Variants in SDR42E1 observed in about 807,000 individuals in gnomAD.
SDR42E1 encodes the protein short-chain dehydrogenase/reductase family 42E member 1.
Under a neutral mutation model 2.6 loss-of-function variants are expected in SDR42E1, and 5 were observed. That is an observed-to-expected ratio of 1.94 (90% CI 1.01 to 4.08). The LOEUF (loss-of-function observed/expected upper bound fraction) is 4.08, where lower values mean the gene tolerates loss of function less well. Ranked by LOEUF, SDR42E1 falls within the 30% of genes most tolerant of loss-of-function variation. The pLI is 0.00. For missense variants in SDR42E1, 596 were observed against 478.6 expected (o/e 1.25, Z -2.29); for synonymous variants, 231 against 188.3 (o/e 1.23, Z -1.86).
In SDR42E1 at chr16:81,990,156, G is replaced by A. The variant is rs1028963049; in HGVS notation, c.*8955C>T. 4 of 152,220 alleles carry A rather than the reference G, an allele frequency of 2.6e-5. No individual in the cohort carries two copies. The highest frequency in any genetic ancestry group is 1.9e-4 in the East Asian group (1 of 5,186). The allele number at this position is 152,220 out of a possible 1,614,324, so 9.4% of individuals were successfully genotyped here. A position where few individuals can be genotyped will look rare whatever the true frequency, so the allele number is the denominator to read the frequency against. ...GTGAGACCCTGTCTCTACAAAAGAC[G>A]ACAGAAAAATTAGCTAGGTGTGCTG... is the stretch of plus-strand genomic sequence containing the variant. On this transcript the variant is annotated 3_prime_UTR_variant, in exon 3 of 3. Transcript: ENST00000328945.
intron 1 of SDR42E1, among the ~76,000 whole-genome samples, chr16:82,009,183 A>C (rs541412406): frequency 1.4e-4 from 21 of 152,306 alleles, no homozygotes; most frequent in Non-Finnish European, 2.9e-4. Flanking sequence ...GCCCTCATGG[A>C]GAACCACTGC....
rs955963434 is a variant in SDR42E1 at position 81,990,674 on chromosome 16, G to C, written c.*8437C>G. On this transcript the variant is annotated 3_prime_UTR_variant, in exon 3 of 3. Coordinates refer to ENST00000328945, the MANE Select transcript of SDR42E1 (RefSeq NM_145168.3). ...TTTTATCTCCACTTTACAGATGAGA[G>C]GCATTTGCTCAAAGTCACATTGCAA... 1.3e-5 allele frequency: 2 copies of C among 152,216 alleles called. No individual in the cohort carries two copies. The highest frequency in any genetic ancestry group is 1.9e-4 in the East Asian group (1 of 5,196). The allele number at this position is 152,216 out of a possible 1,614,324, so 9.4% of individuals were successfully genotyped here. A position where few individuals can be genotyped will look rare whatever the true frequency, so the allele number is the denominator to read the frequency against.
chr16:82,004,758 T>G (rs1427061394), intron 1 of SDR42E1, among the ~76,000 whole-genome samples: 1 of 152,138 alleles, frequency 6.6e-6, no homozygotes, highest in Non-Finnish European at 1.5e-5. Context: ...AGAGAAGGCT[T>G]CCCCTGGAGG....
At chr16:82,000,279 G>A in intron 2 of SDR42E1, 55 bp from the exon 3 acceptor site, 1 of 1,593,882 alleles carries the variant, frequency 6.3e-7, no homozygotes, top group Non-Finnish European at 8.5e-7. Flanking sequence ...TGTGCCTAGG[G>A]GAAGTGTATA....
At chr16:82,009,964 C>A (rs1439596999) in intron 1 of SDR42E1, among the ~76,000 whole-genome samples, 1 of 152,210 alleles carries the variant, frequency 6.6e-6, no homozygotes, top group Non-Finnish European at 1.5e-5. Context: ...GTGAATAAGT[C>A]TCAAAAGATC....
intron 1 of SDR42E1, among the ~76,000 whole-genome samples, chr16:82,009,443 C>T (rs1276999559): frequency 3.3e-5 from 5 of 152,268 alleles, no homozygotes; most frequent in Non-Finnish European, 7.3e-5. Flanking sequence ...GGGAAACCAC[C>T]TCTTGCATCA....
intron 1 of SDR42E1, among the ~76,000 whole-genome samples, chr16:82,009,105 C>G (rs970609932): frequency 3.9e-5 from 6 of 152,208 alleles, no homozygotes; most frequent in African/African-American, 1.4e-4. Flanking sequence ...TTGGAAACCT[C>G]TCCCTAGGTT....
At position 82,000,903 on chromosome 16, in the gene SDR42E1, A is replaced by C. The variant is rs749132781; in HGVS notation, c.-26-19T>G. On this transcript the variant is annotated intron_variant, in intron 1 of 2. Transcript: ENST00000328945. ...ACTGGACCTGAAGAAAGAAGTATGC[A>C]TCACTGTTACTGATCCAAATGCAAA... is the stretch of plus-strand genomic sequence containing the variant. The C allele has an allele frequency of 6.6e-7, 1 of 1,525,070 alleles. No individual in the cohort carries two copies. The highest frequency in any genetic ancestry group is 9.0e-7 in the Non-Finnish European group (1 of 1,105,872). The allele number at this position is 1,525,070 out of a possible 1,614,324, so 94.5% of individuals were successfully genotyped here.
chr16:82,005,665 T>C (rs1597180273), intron 1 of SDR42E1, among the ~76,000 whole-genome samples: 1 of 152,226 alleles, frequency 6.6e-6, no homozygotes, highest in African/African-American at 2.4e-5. Flanking sequence ...TGATTCCTTC[T>C]AGGGCTGGGC....
rs115049201 is a variant in SDR42E1, at chr16:82,002,671, G to A, written c.-26-1787C>T. Among the ~76,000 whole-genome samples, 820 of 152,208 alleles carry A rather than the reference G, an allele frequency of 5.4e-3. 11 individuals are homozygous for A. The highest frequency in any genetic ancestry group is 0.019 in the African/African-American group (778 of 41,520). The stretch of plus-strand genomic sequence containing the variant: ...CCGCACTCTTAACCACTAAAACACA[G>A]TCTTAAATGAAAAGAGAATGGACTT... On this transcript the variant is annotated intron_variant, in intron 1 of 2. Transcript: ENST00000328945.
rs377444731 is a variant in SDR42E1 at position 82,000,048 on chromosome 16, T to A, written c.245A>T (p.Tyr82Phe). The A allele has an allele frequency of 1.5e-5, 24 of 1,614,088 alleles. No homozygotes were observed. Among genetic ancestry groups the A allele is most frequent in the Non-Finnish European group, 1.9e-5 (22 of 1,180,050 alleles). ...GAGTTGCTCCCGCCCTGACATACCA[T>A]AAGAGGCAATATGGAACACACAAGT... is the stretch of plus-strand genomic sequence containing the variant. Reference protein sequence around the residue: ...DVTCVFHIASYGMSGREQLNR... With the variant: ...DVTCVFHIASFGMSGREQLNR... Residue 82 changes from tyrosine to phenylalanine, a missense_variant, in exon 3 of 3, where the codon TAT (tyrosine) becomes TTT (phenylalanine). Coordinates refer to ENST00000328945, the MANE Select transcript of SDR42E1 (RefSeq NM_145168.3).
chr16:81,998,788 C>T lies in SDR42E1; in HGVS notation c.*323G>A. ...CTGCATAAAATGGAAATAAGTATAT[C>T]TTGCCCTCTCAGAAATTCAAGATGG... On this transcript the variant is annotated 3_prime_UTR_variant, in exon 3 of 3. Coordinates refer to ENST00000328945, the MANE Select transcript of SDR42E1 (RefSeq NM_145168.3). 3.2e-6 allele frequency: 1 copy of T among 311,600 alleles called. No homozygotes were observed. Among genetic ancestry groups the T allele is most frequent in the Non-Finnish European group, 5.9e-6 (1 of 169,484 alleles). 19.3% of individuals were successfully genotyped at this position (311,600 alleles called of 1,614,324 possible).
At position 81,993,958 on chromosome 16, in the gene SDR42E1, A is replaced by G. The variant is rs1452747443; in HGVS notation, c.*5153T>C. 6.6e-6 allele frequency: 1 copy of G among 152,202 alleles called. No individual in the cohort carries two copies. The highest frequency in any genetic ancestry group is 1.5e-5 in the Non-Finnish European group (1 of 68,040). 9.4% of individuals were successfully genotyped at this position (152,202 alleles called of 1,614,324 possible). A position where few individuals can be genotyped will look rare whatever the true frequency, so the allele number is the denominator to read the frequency against. ...GCAAATGTTAAATTACCCAGGGACC[A>G]AAAGACGACCCCCGTTTGAAAGAAA... On this transcript the variant is annotated 3_prime_UTR_variant, in exon 3 of 3. Transcript: ENST00000328945.
intron 1 of SDR42E1, among the ~76,000 whole-genome samples, chr16:82,003,267 C>G (rs1273701867): frequency 1.3e-5 from 2 of 152,216 alleles, no homozygotes; most frequent in African/African-American, 4.8e-5. Context: ...AGCACTCCCT[C>G]AATGCACCTA....
chr16:81,997,613 C>T lies in SDR42E1; in HGVS notation c.*1498G>A, dbSNP rs2143839006. 1 of 152,330 alleles carries T rather than the reference C, an allele frequency of 6.6e-6. No homozygotes were observed. Among genetic ancestry groups the T allele is most frequent in the East Asian group, 1.9e-4 (1 of 5,190 alleles). The allele number at this position is 152,330 out of a possible 1,614,324, so 9.4% of individuals were successfully genotyped here. A position where few individuals can be genotyped will look rare whatever the true frequency, so the allele number is the denominator to read the frequency against. On this transcript the variant is annotated 3_prime_UTR_variant, in exon 3 of 3. Transcript: ENST00000328945. Reference sequence around the variant, plus strand: ...TCTTTATGACAGAAAAGACTCCAAACACGTTTTCCTAAAAACAATCACTAC... The same window carrying T: ...TCTTTATGACAGAAAAGACTCCAAATACGTTTTCCTAAAAACAATCACTAC...
chr16:81,992,499 C>G lies in SDR42E1; in HGVS notation c.*6612G>C, dbSNP rs1403981268. 2.6e-5 allele frequency: 4 copies of G among 152,098 alleles called. No homozygotes were observed. Among genetic ancestry groups the G allele is most frequent in the Admixed American group, 2.0e-4 (3 of 15,280 alleles). 9.4% of individuals were successfully genotyped at this position (152,098 alleles called of 1,614,324 possible). A position where few individuals can be genotyped will look rare whatever the true frequency, so the allele number is the denominator to read the frequency against. On this transcript the variant is annotated 3_prime_UTR_variant, in exon 3 of 3. Coordinates refer to ENST00000328945, the MANE Select transcript of SDR42E1 (RefSeq NM_145168.3). ...ACGACTCATTCTTATAACATATATA[C>G]ATATGTTAAAATATATATATGGGTA...
At chr16:82,006,189 T>TA (rs1236756980) in intron 1 of SDR42E1, among the ~76,000 whole-genome samples, 2 of 151,772 alleles carry the variant, frequency 1.3e-5, no homozygotes, top group African/African-American at 2.4e-5. Flanking sequence ...ACCATAAAAA[T>TA]AAAAAAACTG....
Position 81,993,388 on chromosome 16 carries a change from G to C in SDR42E1, c.*5723C>G, listed in dbSNP as rs1912471258. ...TCTCAATCAGAAGCATCAGGGAAGA[G>C]TCTGGAGTCTGTATATCGAGGTAAA... is the stretch of plus-strand genomic sequence containing the variant. On this transcript the variant is annotated 3_prime_UTR_variant, in exon 3 of 3. Coordinates refer to ENST00000328945, the MANE Select transcript of SDR42E1 (RefSeq NM_145168.3). 1 of 152,194 alleles carries C rather than the reference G, an allele frequency of 6.6e-6. No individual in the cohort carries two copies. The highest frequency in any genetic ancestry group is 2.1e-4 in the South Asian group (1 of 4,830). 9.4% of individuals were successfully genotyped at this position (152,194 alleles called of 1,614,324 possible).
At chr16:82,000,541 C>A in intron 2 of SDR42E1, 1 of 586,206 alleles carries the variant, frequency 1.7e-6, no homozygotes, top group Non-Finnish European at 3.0e-6. Flanking sequence ...GAAAGAACAG[C>A]TATGATTTAA....
Sources: allele counts gnomAD v4.1 joint callset (sites outside exome capture counted in the v4.1 genomes callset), GRCh38; gene constraint gnomAD v4.1.1; transcripts MANE v1.5; gene names NCBI Gene and HGNC (gene_info 2026-07-23, HGNC 2026-07-21).